The following ATG7 variants were observed in gnomAD, a reference collection of about 807,000 sequenced individuals.
ATG7 encodes the protein ubiquitin-like modifier-activating enzyme ATG7.
In ATG7, 70 loss-of-function variants were observed where a neutral mutation model predicts 82.4. The ratio of observed to expected loss-of-function variants is 0.85; its 90% confidence interval spans 0.70 to 1.04. ATG7 has a LOEUF of 1.04. Among genes scored for constraint, ATG7 ranks in the 50% least tolerant of loss-of-function variants. ATG7 has a pLI of 0.00. For synonymous variants in ATG7, 287 were observed against 313.0 expected, an observed-to-expected ratio of 0.92 and a Z score of 0.88; for missense variants, 792 against 864.3, an observed-to-expected ratio of 0.92 and a Z score of 1.05.
Position 11,331,326 on chromosome 3 carries a change from T to G in ATG7, c.679-14T>G, listed in dbSNP as rs749437915. On this transcript the variant is annotated splice_polypyrimidine_tract_variant and intron_variant, in intron 9 of 20. Coordinates refer to ENST00000693202, the MANE Select transcript of ATG7 (RefSeq NM_001349232.2). ...TGATACTCGACTTACTCAGAAAGTC[T>G]TTTTTGTTCACAGATAACAATTGGT... 1 of 1,593,450 alleles carries G rather than the reference T, an allele frequency of 6.3e-7. No individual in the cohort carries two copies. The highest frequency in any genetic ancestry group is 1.1e-5 in the South Asian group (1 of 90,432).
intron 20 of ATG7, among the ~76,000 whole-genome samples, chr3:11,540,958 G>C (rs75353105): frequency 1.6e-4 from 24 of 150,810 alleles, no homozygotes; most frequent in Admixed American, 2.7e-4. Flanking sequence ...GGAGTGCAGT[G>C]GTGCAATCTT....
chr3:11,426,764 G>C, intron 19 of ATG7, 40 bp from the exon 20 acceptor site: 2 of 1,511,702 alleles, frequency 1.3e-6, no homozygotes, highest in Non-Finnish European at 1.8e-6. Flanking sequence ...TGCATTTTAA[G>C]TCTGGAGACT....
intron 9 of ATG7, among the ~76,000 whole-genome samples, chr3:11,331,091 C>T (rs1951576761): frequency 6.6e-6 from 1 of 152,174 alleles, no homozygotes; most frequent in Non-Finnish European, 1.5e-5. Context: ...TTAGCTCCTA[C>T]TTTCTGCCAG....
chr3:11,291,474 T>C (rs191379286), intron 3 of ATG7, among the ~76,000 whole-genome samples: 338 of 152,324 alleles, frequency 2.2e-3, no homozygotes, highest in Middle Eastern at 0.014. Context: ...TCATCTCAGC[T>C]CTACCACTTC....
intron 20 of ATG7, among the ~76,000 whole-genome samples, chr3:11,463,628 G>GAT (rs2086555111): frequency 7.3e-6 from 1 of 136,512 alleles, no homozygotes; most frequent in South Asian, 2.4e-4. Context: ...TAGGTGGAGA[G>GAT]TGTTGGAGCA....
At chr3:11,474,194 G>A (rs1001475344) in intron 20 of ATG7, among the ~76,000 whole-genome samples, 6 of 152,190 alleles carry the variant, frequency 3.9e-5, no homozygotes, top group African/African-American at 1.4e-4. Flanking sequence ...TAAGCACTGG[G>A]GACAGTGGCA....
chr3:11,332,909 C>A, intron 10 of ATG7, 63 bp from the exon 11 acceptor site: 1 of 1,373,152 alleles, frequency 7.3e-7, no homozygotes, highest in East Asian at 2.8e-5. Context: ...CTTATGTGAG[C>A]TTTTTCTTTT....
chr3:11,512,059 G>T (rs968202220), intron 20 of ATG7, among the ~76,000 whole-genome samples: 7 of 152,192 alleles, frequency 4.6e-5, no homozygotes, highest in Non-Finnish European at 1.0e-4. Context: ...GCAGTGGGGG[G>T]CTGAAGGGCT....
intron 18 of ATG7, among the ~76,000 whole-genome samples, chr3:11,370,854 TG>T (rs2076949841): frequency 6.6e-6 from 1 of 150,986 alleles, no homozygotes; most frequent in African/African-American, 2.4e-5. Flanking sequence ...TCGGGAGTTT[TG>T]TTTTTTTTTT....
intron 19 of ATG7, among the ~76,000 whole-genome samples, chr3:11,426,046 T>G (rs1393570550): frequency 2.1e-5 from 3 of 140,380 alleles, no homozygotes; most frequent in African/African-American, 5.0e-5. Flanking sequence ...TTTCTAGTTT[T>G]GGGCTATCAT....
the ATG7 span, among the ~76,000 whole-genome samples, chr3:11,575,760 G>A: frequency 6.6e-6 from 1 of 152,246 alleles, no homozygotes; most frequent in Non-Finnish European, 1.5e-5. Flanking sequence ...GGTTTGGCTA[G>A]AATGAGGCGT....
intron 19 of ATG7, among the ~76,000 whole-genome samples, chr3:11,416,983 G>T (rs1232073035): frequency 6.6e-6 from 1 of 152,050 alleles, no homozygotes; most frequent in African/African-American, 2.4e-5. Flanking sequence ...CATATATTGA[G>T]ATATTCCAAT....
chr3:11,388,833 C>A (rs1484251678), intron 19 of ATG7, among the ~76,000 whole-genome samples: 1 of 152,122 alleles, frequency 6.6e-6, no homozygotes, highest in African/African-American at 2.4e-5. Flanking sequence ...CTTGTAACTG[C>A]TACCCAGCTG....
Position 11,315,396 on chromosome 3 carries a change from C to T in ATG7, c.581C>T (p.Thr194Ile). The change falls in exon 9 of 21, where the codon ACA (threonine) becomes ATA (isoleucine). Residue 194 changes from threonine (T) to isoleucine (I), a missense_variant. Physicochemically the swap from Thr to Ile is moderately conservative, Grantham distance 89 (BLOSUM62 -1). Transcript: ENST00000693202. ...YDNLCQTEGVTALPYFLIKYD... is the reference protein window; with the variant it reads ...YDNLCQTEGVIALPYFLIKYD... ...AATCTTTGTCAAACAGAAGGAGTCA[C>T]AGCTCTTCCTTACTTCTTAATCAAG... 6.2e-7 allele frequency: 1 copy of T among 1,612,068 alleles called. No homozygotes were observed. The highest frequency in any genetic ancestry group is 8.5e-7 in the Non-Finnish European group (1 of 1,179,010).
chr3:11,455,666 C>G (rs911991377), intron 20 of ATG7, among the ~76,000 whole-genome samples: 1 of 152,168 alleles, frequency 6.6e-6, no homozygotes, highest in African/African-American at 2.4e-5. Flanking sequence ...TCTGCCCAGA[C>G]CGGGGCTGTC....
At chr3:11,341,030 C>T (rs1039043832) in intron 12 of ATG7, among the ~76,000 whole-genome samples, 1 of 152,202 alleles carries the variant, frequency 6.6e-6, no homozygotes, top group Non-Finnish European at 1.5e-5. Flanking sequence ...TATGCATTGT[C>T]CTCTAGCTTG....
At chr3:11,476,667 C>A (rs2088275621) in intron 20 of ATG7, among the ~76,000 whole-genome samples, 1 of 152,124 alleles carries the variant, frequency 6.6e-6, no homozygotes, top group Non-Finnish European at 1.5e-5. Flanking sequence ...AAACTCTATT[C>A]CCATTTATTT....
At chr3:11,291,318 G>A (rs1334448086) in intron 3 of ATG7, among the ~76,000 whole-genome samples, 1 of 152,208 alleles carries the variant, frequency 6.6e-6, no homozygotes, top group Non-Finnish European at 1.5e-5. Flanking sequence ...CTGTTGGAGA[G>A]GAGGTTAGCT....
rs951354279 is a variant in ATG7 at position 11,486,950 on chromosome 3, T to C, written c.2079+60024T>C. On this transcript the variant is annotated intron_variant, in intron 20 of 20. Transcript: ENST00000693202. ...CAGCAGATAAACAAGTGAACAAAGG[T>C]CTTTGGTTTTCCTAGGCAGAGGACC... is the stretch of plus-strand genomic sequence containing the variant. Among the ~76,000 whole-genome samples, 9 of 151,426 alleles carry C rather than the reference T, an allele frequency of 5.9e-5. 1 individual carries two copies. The highest frequency in any genetic ancestry group is 2.2e-4 in the African/African-American group (9 of 41,208).
Sources: gnomAD v4.1 joint callset for allele counts (sites outside exome capture counted in the v4.1 genomes callset) on GRCh38, gnomAD v4.1.1 for gene constraint, MANE v1.5 for transcripts, NCBI Gene and HGNC (gene_info 2026-07-23, HGNC 2026-07-21) for gene names.